NFATC3: variants seen among roughly 807,000 people sequenced by gnomAD.
NFATC3 encodes the protein nuclear factor of activated T-cells, cytoplasmic 3.
A neutral mutation model predicts 98.6 loss-of-function variants in NFATC3; 46 were observed. The observed-to-expected ratio is 0.47, with a 90% CI of 0.37 to 0.60. The LOEUF is 0.60. NFATC3 is among the 20% of genes least tolerant of loss of function. The pLI, the probability that NFATC3 is intolerant of heterozygous loss-of-function variation, is 0.00. For synonymous variants in NFATC3, 512 were observed against 472.2 expected (o/e 1.08, Z -1.09); for missense variants, 1,256 against 1,295.5 (o/e 0.97, Z 0.47).
At chr16:68,216,835 G>T (rs1424619184) in intron 9 of NFATC3, among the ~76,000 whole-genome samples, 1 of 152,112 alleles carries the variant, frequency 6.6e-6, no homozygotes, top group Non-Finnish European at 1.5e-5. Flanking sequence ...ACCCGGCCAA[G>T]AAGAGGTTTC....
chr16:68,180,158 C>T (rs1475750061), intron 6 of NFATC3, among the ~76,000 whole-genome samples: 2 of 152,002 alleles, frequency 1.3e-5, no homozygotes, highest in African/African-American at 4.8e-5. Context: ...ACCATGAAGT[C>T]TAAAATATTA....
chr16:68,122,863 C>T lies in NFATC3; in HGVS notation c.980C>T (p.Pro327Leu). ...TCAGGCCTTGGCCCTGCAGTTTTTC[C>T]ATTTCAGTACTGTGTAGAGACTGAC... ...GGSGLGPAVF[P>L]FQYCVETDIP... The change falls in exon 2 of 10, where the codon CCA becomes CTA. Residue 327 changes from proline to leucine, a missense_variant. Physicochemically the swap from Pro to Leu is moderately conservative, Grantham distance 98. This residue lies in a region of NFATC3 where 464 missense variants were observed against 465.7 expected (regional missense o/e 1.00). Transcript: ENST00000346183. 1 of 1,614,212 alleles carries T rather than the reference C, an allele frequency of 6.2e-7. No individual in the cohort carries two copies. Among genetic ancestry groups the T allele is most frequent in the Non-Finnish European group, 8.5e-7 (1 of 1,180,030 alleles).
At chr16:68,087,617 G>C (rs1290810953) in intron 1 of NFATC3, among the ~76,000 whole-genome samples, 9 of 152,116 alleles carry the variant, frequency 5.9e-5, no homozygotes, top group Non-Finnish European at 1.3e-4. Context: ...AGTGCATTCA[G>C]TGTTGTGCAG....
chr16:68,189,286 TTGTCCTTGACTTGGG>T, intron 8 of NFATC3: 2 of 177,596 alleles, frequency 1.1e-5, no homozygotes, highest in South Asian at 2.4e-4. Context: ...ATGATATTGG[TTGTCCTTGACTTGGG>T]TAGAGTGATG....
At chr16:68,136,222 T>C (rs962782009) in intron 3 of NFATC3, among the ~76,000 whole-genome samples, 22 of 152,226 alleles carry the variant, frequency 1.4e-4, no homozygotes, top group African/African-American at 5.3e-4. Context: ...AATTTACTTT[T>C]TGTAGTGTTT....
intron 3 of NFATC3, among the ~76,000 whole-genome samples, chr16:68,147,617 G>C (rs1166368952): frequency 2.6e-5 from 4 of 152,122 alleles, no homozygotes; most frequent in Non-Finnish European, 4.4e-5. Flanking sequence ...TGAACAGTTG[G>C]TCATGTAGAA....
chr16:68,134,550 C>T (rs568804825), intron 3 of NFATC3, among the ~76,000 whole-genome samples: 8 of 152,080 alleles, frequency 5.3e-5, no homozygotes, highest in Non-Finnish European at 7.4e-5. Context: ...TATACTTTTT[C>T]CCCCCTTTTT....
At chr16:68,192,259 G>GTA (rs1277112016) in intron 9 of NFATC3, 3 of 82,060 alleles carry the variant, frequency 3.7e-5, no homozygotes, top group Non-Finnish European at 5.2e-5. Flanking sequence ...ATATATGTAT[G>GTA]TGTATATATA....
intron 1 of NFATC3, among the ~76,000 whole-genome samples, chr16:68,112,198 C>A (rs993029829): frequency 6.7e-6 from 1 of 150,232 alleles, no homozygotes; most frequent in Non-Finnish European, 1.5e-5. Flanking sequence ...TGGATGATAC[C>A]GTGAAGTATG....
chr16:68,097,520 G>A (rs1401496866), intron 1 of NFATC3, among the ~76,000 whole-genome samples: 3 of 152,172 alleles, frequency 2.0e-5, no homozygotes, highest in African/African-American at 7.2e-5. Flanking sequence ...GAAGTCATGG[G>A]CATGGATGAA....
At chr16:68,216,392 A>G (rs1304659460) in intron 9 of NFATC3, among the ~76,000 whole-genome samples, 1 of 152,206 alleles carries the variant, frequency 6.6e-6, no homozygotes, top group East Asian at 1.9e-4. Context: ...TGATACTTGA[A>G]TATACTTTCA....
chr16:68,121,704 A>G (rs1385272296), intron 1 of NFATC3, among the ~76,000 whole-genome samples: 1 of 151,830 alleles, frequency 6.6e-6, no homozygotes, highest in African/African-American at 2.4e-5. Context: ...TTTTCAGGGC[A>G]TAATGTTTCC....
chr16:68,183,432 A>C (rs2040028250), intron 8 of NFATC3, 66 bp downstream of exon 8: 5 of 1,554,816 alleles, frequency 3.2e-6, no homozygotes, highest in Non-Finnish European at 4.4e-6. Context: ...TTATTTAACG[A>C]ATCCTATATT....
intron 3 of NFATC3, 116 bp downstream of exon 3, chr16:68,126,726 T>G (rs1279854791): frequency 1.0e-6 from 1 of 989,458 alleles, no homozygotes; most frequent in Non-Finnish European, 1.5e-6. Flanking sequence ...CTAGAGAGCC[T>G]CTGTTGTTTT....
chr16:68,144,130 A>G (rs905476026), intron 3 of NFATC3, among the ~76,000 whole-genome samples: 3 of 152,194 alleles, frequency 2.0e-5, no homozygotes, highest in African/African-American at 7.2e-5. Context: ...TGTATAAAGA[A>G]CTCTCAAAAC....
intron 1 of NFATC3, among the ~76,000 whole-genome samples, chr16:68,099,871 TG>T (rs2151458948): frequency 6.6e-6 from 1 of 152,160 alleles, no homozygotes; most frequent in African/African-American, 2.4e-5. Context: ...TACAGTGGCA[TG>T]ATTATGCCTC....
chr16:68,110,173 T>C (rs1227241161), intron 1 of NFATC3, among the ~76,000 whole-genome samples: 1 of 151,870 alleles, frequency 6.6e-6, no homozygotes, highest in African/African-American at 2.4e-5. Flanking sequence ...CTGGGCTAAT[T>C]TTTGTATTTT....
At chr16:68,197,064 C>T (rs2040708323) in intron 9 of NFATC3, among the ~76,000 whole-genome samples, 1 of 150,802 alleles carries the variant, frequency 6.6e-6, no homozygotes, top group Non-Finnish European at 1.5e-5. Flanking sequence ...TAAATAAAAA[C>T]CCATAGACCT....
intron 3 of NFATC3, among the ~76,000 whole-genome samples, chr16:68,150,414 A>C (rs1339114825): frequency 8.5e-6 from 1 of 117,242 alleles, no homozygotes; most frequent in African/African-American, 4.2e-5. Context: ...TCTATATCTA[A>C]AAAAAAAAAA....
Sources: allele counts gnomAD v4.1 joint callset (sites outside exome capture counted in the v4.1 genomes callset), GRCh38; gene constraint gnomAD v4.1.1; regional missense constraint gnomAD v4.1.1; transcripts MANE v1.5; gene names NCBI Gene and HGNC (gene_info 2026-07-23, HGNC 2026-07-21).